The following CLASP1 variants were observed in gnomAD, a reference collection of about 807,000 sequenced individuals.
CLASP1 encodes CLIP-associating protein 1.
CLASP1 carries 38 observed loss-of-function variants against 192.3 expected under a neutral mutation model. That is an observed-to-expected ratio of 0.20 (90% CI 0.15 to 0.26). The LOEUF (loss-of-function observed/expected upper bound fraction) is 0.26, where lower values mean the gene tolerates loss of function less well. CLASP1 is among the 10% of genes least tolerant of loss of function. The pLI is 1.00. For synonymous variants in CLASP1, 691 were observed against 712.8 expected (o/e 0.97, Z 0.49); for missense variants, 1,433 against 1,932.5 (o/e 0.74, Z 4.85).
intron 39 of CLASP1, among the ~76,000 whole-genome samples, chr2:121,345,679 A>T (rs187508591): frequency 1.3e-5 from 2 of 152,152 alleles, no homozygotes; most frequent in Admixed American, 1.3e-4. Context: ...GGAGAACAGA[A>T]TAAGGTCACC....
intron 2 of CLASP1, among the ~76,000 whole-genome samples, chr2:121,541,672 G>GA (rs2095237395): frequency 6.6e-6 from 1 of 152,010 alleles, no homozygotes; most frequent in Non-Finnish European, 1.5e-5. Context: ...CCTCAGCTAG[G>GA]AAAAAAAGCA....
At position 121,530,891 on chromosome 2, in the gene CLASP1, T is replaced by A. The variant is rs763786601; in HGVS notation, c.196-566A>T. 4.5e-5 allele frequency: 31 copies of A among 693,630 alleles called. No homozygotes were observed. The highest frequency in any genetic ancestry group is 3.0e-4 in the South Asian group (20 of 67,280). The allele number at this position is 693,630 out of a possible 1,614,324, so 43.0% of individuals were successfully genotyped here. ...GGACTTTCTATTATAACCATCCTTT[T>A]CTTGGGGTTGCGCTACTGTCCAATG... On this transcript the variant is annotated intron_variant, in intron 2 of 39. Transcript: ENST00000263710.
chr2:121,631,287 CT>C (rs769717647), intron 1 of CLASP1, among the ~76,000 whole-genome samples: 5,221 of 127,112 alleles, frequency 0.041, 60 homozygotes, highest in East Asian at 0.14. Flanking sequence ...TTTAAAATTA[CT>C]TTTTTTTTTT....
chr2:121,381,978 G>C (rs1404362720), intron 33 of CLASP1, among the ~76,000 whole-genome samples: 1 of 152,072 alleles, frequency 6.6e-6, no homozygotes, highest in Non-Finnish European at 1.5e-5. Context: ...AATCTGATCA[G>C]CTTATAAAGG....
chr2:121,532,514 C>A (rs994399837), intron 2 of CLASP1: 1 of 152,164 alleles, frequency 6.6e-6, no homozygotes, highest in African/African-American at 2.4e-5. Flanking sequence ...GACAGTCCTT[C>A]CCAAGACCCT....
At chr2:121,450,853 A>G (rs2085334486) in intron 16 of CLASP1, 60 bp downstream of exon 16, 1 of 1,228,032 alleles carries the variant, frequency 8.1e-7, no homozygotes, top group South Asian at 1.3e-5. Flanking sequence ...AGGCAATCCT[A>G]TAATTCATGT....
chr2:121,589,001 A>G (rs912220894), intron 2 of CLASP1, among the ~76,000 whole-genome samples: 4 of 152,310 alleles, frequency 2.6e-5, no homozygotes, highest in African/African-American at 9.6e-5. Flanking sequence ...AGAGAAACTC[A>G]GTCTTCTGAT....
At chr2:121,408,573 A>G (rs2077241305) in intron 24 of CLASP1, among the ~76,000 whole-genome samples, 1 of 152,216 alleles carries the variant, frequency 6.6e-6, no homozygotes. Context: ...TTGTTAATCC[A>G]ACTTGCTCAG....
intron 2 of CLASP1, among the ~76,000 whole-genome samples, chr2:121,603,551 A>G (rs1390091732): frequency 1.3e-5 from 2 of 152,258 alleles, no homozygotes; most frequent in African/African-American, 4.8e-5. Flanking sequence ...TAGAACTACC[A>G]TAGGATCCAG....
chr2:121,574,327 C>CA lies in CLASP1; in HGVS notation c.195+31373dup, dbSNP rs35418553. Reference sequence around the variant, plus strand: ...TGGGCGACAGAGCCAGACTCCATCTCAAAAAAAAAAAAAAAAATCACTGAT... The same window carrying CA: ...TGGGCGACAGAGCCAGACTCCATCTCAAAAAAAAAAAAAAAAAATCACTGAT... On this transcript the variant is annotated intron_variant, in intron 2 of 39. Transcript: ENST00000263710. Among the ~76,000 whole-genome samples the CA allele has an allele frequency of 5.8e-3, 696 of 120,746 alleles. 2 individuals are homozygous for CA. Among genetic ancestry groups the CA allele is most frequent in the Middle Eastern group, 0.025 (5 of 200 alleles). 79.2% of individuals were successfully genotyped at this position (120,746 alleles called of 152,430 possible).
chr2:121,597,878 A>G (rs559667714), intron 2 of CLASP1, among the ~76,000 whole-genome samples: 2 of 152,260 alleles, frequency 1.3e-5, no homozygotes, highest in Non-Finnish European at 2.9e-5. Context: ...TCCCCCCCCA[A>G]TTCCCTCCAG....
exon 31 of CLASP1, chr2:121,387,859 T>G (rs1443552158): frequency 6.2e-7 from 1 of 1,612,516 alleles, no homozygotes; most frequent in South Asian, 1.1e-5. Context: ...ACATGGTAAA[T>G]TCAGGAGTAT....
At chr2:121,518,379 G>A (rs760484961) in intron 6 of CLASP1, among the ~76,000 whole-genome samples, 1 of 151,942 alleles carries the variant, frequency 6.6e-6, no homozygotes, top group Non-Finnish European at 1.5e-5. Flanking sequence ...AGCACATAGT[G>A]AGATGGCAGC....
intron 8 of CLASP1, among the ~76,000 whole-genome samples, chr2:121,478,971 ACCACACACACACCACACACC>A (rs2092297679): frequency 5.3e-5 from 2 of 37,614 alleles, no homozygotes; most frequent in Non-Finnish European, 9.5e-5. Context: ...CACCACACAC[ACCACACACACACCACACACC>A]CCACACACAC....
intron 2 of CLASP1, among the ~76,000 whole-genome samples, chr2:121,595,081 T>TG (rs1576330888): frequency 6.6e-6 from 1 of 152,222 alleles, no homozygotes; most frequent in Admixed American, 6.5e-5. Flanking sequence ...AAATCAACTG[T>TG]GGGGTACGTC....
intron 14 of CLASP1, among the ~76,000 whole-genome samples, chr2:121,454,423 G>A (rs1023909998): frequency 1.3e-5 from 2 of 152,128 alleles, no homozygotes; most frequent in African/African-American, 4.8e-5. Context: ...TTGCTGGCAC[G>A]CCGACTTTGA....
chr2:121,482,452 A>G (rs1316584417), intron 8 of CLASP1, among the ~76,000 whole-genome samples: 1 of 152,178 alleles, frequency 6.6e-6, no homozygotes. Flanking sequence ...CCTCAGAGAA[A>G]AGAACTTACA....
At chr2:121,575,049 A>G (rs769992404) in intron 2 of CLASP1, among the ~76,000 whole-genome samples, 3 of 152,148 alleles carry the variant, frequency 2.0e-5, no homozygotes, top group Non-Finnish European at 4.4e-5. Context: ...CCATTCCACA[A>G]TATTACATAT....
At chr2:121,515,820 C>T in intron 6 of CLASP1, 58 bp from the exon 7 acceptor site, 2 of 1,452,552 alleles carry the variant, frequency 1.4e-6, no homozygotes, top group South Asian at 2.3e-5. Flanking sequence ...GCAAGTCCTG[C>T]TGGGACACAA....
Sources: allele counts gnomAD v4.1 joint callset (sites outside exome capture counted in the v4.1 genomes callset), GRCh38; gene constraint gnomAD v4.1.1; transcripts MANE v1.5; gene names NCBI Gene and HGNC (gene_info 2026-07-23, HGNC 2026-07-21).